Variants in IRX1 observed in about 807,000 individuals in gnomAD.
The protein encoded by IRX1 is iroquois homeobox 1.
Under a neutral mutation model 34.1 loss-of-function variants are expected in IRX1, and 22 were observed. That is an observed-to-expected ratio of 0.64 (90% CI 0.46 to 0.92). IRX1 has a LOEUF of 0.92. Ranked by LOEUF, IRX1 falls within the 40% of genes least tolerant of loss-of-function variation. The pLI is 0.00. For missense variants in IRX1, 758 were observed against 680.0 expected (o/e 1.11, Z -1.28); for synonymous variants, 363 against 319.0 (o/e 1.14, Z -1.47).
At chr5:3,600,872 T>G (rs1267490502) in intron 3 of IRX1, 111 bp from the exon 4 acceptor site, 1 of 1,270,210 alleles carries the variant, frequency 7.9e-7, no homozygotes, top group Non-Finnish European at 1.1e-6. Flanking sequence ...GGAGCCGCGC[T>G]GGCTGTCGAC....
intron 1 of IRX1, among the ~76,000 whole-genome samples, chr5:3,596,829 A>G (rs901544099): frequency 1.3e-5 from 2 of 152,118 alleles, no homozygotes; most frequent in African/African-American, 4.8e-5. Context: ...TTTCGAACCG[A>G]GTCTGGAAAA....
In IRX1 at chr5:3,600,196, C is replaced by G. The variant is rs373574147; in HGVS notation, c.1248C>G (p.Val416=). Residue 416 remains valine, a synonymous_variant, in exon 2 of 4, where the codon GTC becomes GTG. Coordinates refer to ENST00000302006, the MANE Select transcript of IRX1 (RefSeq NM_024337.4). ...CACCTCCACCACCGCAGCCGCCGGTCGCTATTGCCCCGGGGGCACTCAATG... is the reference window on the plus strand; with the variant it reads ...CACCTCCACCACCGCAGCCGCCGGTGGCTATTGCCCCGGGGGCACTCAATG... The part of the protein sequence containing the change: ...LPAPPPPQPP[V]AIAPGALNGD... The G allele has an allele frequency of 4.7e-5, 76 of 1,611,696 alleles. No homozygotes were observed. Among genetic ancestry groups the G allele is most frequent in the Admixed American group, 1.7e-5 (1 of 59,952 alleles).
chr5:3,599,130 C>A lies in IRX1; in HGVS notation c.277-95C>A, dbSNP rs554427802. 3.3e-5 allele frequency: 44 copies of A among 1,322,362 alleles called. No individual in the cohort carries two copies. Among genetic ancestry groups the A allele is most frequent in the Non-Finnish European group, 4.1e-5 (40 of 973,628 alleles). 81.9% of individuals were successfully genotyped at this position (1,322,362 alleles called of 1,614,324 possible). On this transcript the variant is annotated intron_variant, in intron 1 of 3. Coordinates refer to ENST00000302006, the MANE Select transcript of IRX1 (RefSeq NM_024337.4). This position sits in a 1 kb window ranked among gnomAD's most constrained non-coding sequence, Gnocchi z 6.6. Reference sequence around the variant, plus strand: ...TCCATTGAAGCGGCTGCTTCCCACTCTCCCGTCTTGGGGACTCATGTCTCT... The same window carrying A: ...TCCATTGAAGCGGCTGCTTCCCACTATCCCGTCTTGGGGACTCATGTCTCT...
Position 3,599,281 on chromosome 5 carries a change from C to T in IRX1, c.333C>T (p.Ala111=), listed in dbSNP as rs139010207. 6 of 1,613,948 alleles carry T rather than the reference C, an allele frequency of 3.7e-6. No individual in the cohort carries two copies. The African/African-American group carries it at 6.7e-5, about 18-fold the overall frequency. The stretch of plus-strand genomic sequence containing the variant: ...GGGTGCACCCCGCCACCTTCGCAGC[C>T]CACACGGCGCCGGCTTATTACCCCT... ...NPGVHPATFA[A]HTAPAYYPYG... is the part of the protein sequence containing the mutation. The change falls in exon 2 of 4, where the codon GCC becomes GCT. Residue 111 remains alanine (A), a synonymous_variant. Coordinates refer to ENST00000302006, the MANE Select transcript of IRX1 (RefSeq NM_024337.4). This position sits in a 1 kb window ranked among gnomAD's most constrained non-coding sequence, Gnocchi z 6.6.
At chr5:3,597,077 A>G (rs139309869) in intron 1 of IRX1, among the ~76,000 whole-genome samples, 1,638 of 152,334 alleles carry the variant, frequency 0.011, 21 homozygotes, top group African/African-American at 0.037. Flanking sequence ...CCAAGTTTTC[A>G]TTTCATTTGC....
Position 3,600,278 on chromosome 5 carries a change from G to C in IRX1, c.1312+18G>C. ...GCTCCCAGGTACAGCTCCAGGCCGCGTCCACCTGTCCCCTAGCTGGGAATG... is the reference window on the plus strand; with the variant it reads ...GCTCCCAGGTACAGCTCCAGGCCGCCTCCACCTGTCCCCTAGCTGGGAATG... On this transcript the variant is annotated intron_variant, in intron 2 of 3. Coordinates refer to ENST00000302006, the MANE Select transcript of IRX1 (RefSeq NM_024337.4). 6.5e-7 allele frequency: 1 copy of C among 1,543,108 alleles called. No homozygotes were observed. The highest frequency in any genetic ancestry group is 8.7e-7 in the Non-Finnish European group (1 of 1,148,392).
intron 1 of IRX1, among the ~76,000 whole-genome samples, chr5:3,597,077 A>T (rs139309869): frequency 6.6e-6 from 1 of 152,220 alleles, no homozygotes; most frequent in Non-Finnish European, 1.5e-5. Context: ...CCAAGTTTTC[A>T]TTTCATTTGC....
Position 3,600,035 on chromosome 5 carries a change from C to T in IRX1, c.1087C>T (p.Leu363=). The T allele has an allele frequency of 1.3e-6, 2 of 1,592,064 alleles. No homozygotes were observed. The highest frequency in any genetic ancestry group is 1.1e-5 in the South Asian group (1 of 88,376). ...CCCCGCCTTCCTGCCTAGCCACGGACTGTACACCTGCCACATCGGCAAGTT... is the reference window on the plus strand; with the variant it reads ...CCCCGCCTTCCTGCCTAGCCACGGATTGTACACCTGCCACATCGGCAAGTT... ...QHPAFLPSHG[L]YTCHIGKFSN... Residue 363 remains leucine, a synonymous_variant, in exon 2 of 4, where the codon CTG becomes TTG. Coordinates refer to ENST00000302006, the MANE Select transcript of IRX1 (RefSeq NM_024337.4).
chr5:3,600,820 G>C, intron 3 of IRX1, 139 bp downstream of exon 3: 1 of 1,145,308 alleles, frequency 8.7e-7, no homozygotes, highest in Non-Finnish European at 1.3e-6. Flanking sequence ...GCCAGCCCTG[G>C]GCGCCGGGCG....
chr5:3,598,760 C>T (rs190542008), intron 1 of IRX1, among the ~76,000 whole-genome samples: 1 of 152,282 alleles, frequency 6.6e-6, no homozygotes, highest in East Asian at 1.9e-4. Flanking sequence ...GCTCTGGGCC[C>T]TTTACGTTTG....
Position 3,600,685 on chromosome 5 carries a change from A to G in IRX1, c.1385+4A>G, listed in dbSNP as rs1468118897. 1 of 1,560,994 alleles carries G rather than the reference A, an allele frequency of 6.4e-7. No homozygotes were observed. The highest frequency in any genetic ancestry group is 1.1e-5 in the South Asian group (1 of 90,294). ...CCTTCCAGCCGGTACGCGACAAGTG[A>G]GTGCTGTTTGCTTTTGCTATGGGAG... On this transcript the variant is annotated splice_donor_region_variant and intron_variant, in intron 3 of 3. Coordinates refer to ENST00000302006, the MANE Select transcript of IRX1 (RefSeq NM_024337.4).
At chr5:3,596,561 A>T (rs1270425065) in intron 1 of IRX1, among the ~76,000 whole-genome samples, 180 bp downstream of exon 1, 1 of 150,392 alleles carries the variant, frequency 6.6e-6, no homozygotes, top group Non-Finnish European at 1.5e-5. Context: ...GAGGGCTGGG[A>T]GGCCGGGCGG....
At chr5:3,600,496 G>C in intron 2 of IRX1, 113 bp from the exon 3 acceptor site, 1 of 1,022,056 alleles carries the variant, frequency 9.8e-7, no homozygotes, top group Middle Eastern at 2.1e-4. Context: ...GGTGAGGGGT[G>C]ACGTTTTTCG....
In IRX1 at chr5:3,599,201, G is replaced by C. The variant is rs1733875010; in HGVS notation, c.277-24G>C. 1 of 1,594,736 alleles carries C rather than the reference G, an allele frequency of 6.3e-7. No individual in the cohort carries two copies. Among genetic ancestry groups the C allele is most frequent in the Non-Finnish European group, 8.6e-7 (1 of 1,166,916 alleles). On this transcript the variant is annotated intron_variant, in intron 1 of 3. Transcript: ENST00000302006. The surrounding 1 kb of genome is among the most constrained non-coding windows in gnomAD (Gnocchi z 6.6). ...CTCCACTTCCCTCCTCTCTCTCCTC[G>C]ATGGATCTGCCCTGTGGCTTCAGGG...
intron 3 of IRX1, 47 bp downstream of exon 3, chr5:3,600,728 G>A: frequency 6.5e-7 from 1 of 1,550,178 alleles, no homozygotes; most frequent in Non-Finnish European, 8.9e-7. Context: ...TGGGGAGGGG[G>A]GAGGAGGAGT....
intron 1 of IRX1, among the ~76,000 whole-genome samples, chr5:3,598,361 A>G (rs538971309): frequency 6.6e-6 from 1 of 152,344 alleles, no homozygotes; most frequent in South Asian, 2.1e-4. Flanking sequence ...AAATGCCTGC[A>G]AACAGCTAGT....
rs6420041 is a variant in IRX1 at position 3,595,864 on chromosome 5, G to A, written c.-242G>A. ...AAAGCCCCGCCGCCGAGCGGAGGGC[G>A]GCCGCCGCAGTCGGCGCGCGATTGC... On this transcript the variant is annotated 5_prime_UTR_variant, in exon 1 of 4. Transcript: ENST00000302006. Among the ~76,000 whole-genome samples, 94,359 of 150,812 alleles carry A rather than the reference G, an allele frequency of 0.63. 31,293 individuals are homozygous for A. The highest frequency in any genetic ancestry group is 0.79 in the Middle Eastern group (231 of 292).
chr5:3,599,331 C>G lies in IRX1; in HGVS notation c.383C>G (p.Pro128Arg), dbSNP rs773432719. The stretch of plus-strand genomic sequence containing the variant: ...TACGGCCAGTTCCAATACGGGGACC[C>G]CGGGCGGCCCAAGAACGCCACCCGC... ...YPYGQFQYGD[P>R]GRPKNATRES... Residue 128 changes from proline (P) to arginine (R), a missense_variant, in exon 2 of 4, where the codon CCC becomes CGC. Pro to Arg is a moderately radical substitution (Grantham distance 103). Around this residue, in one of 3 missense-constraint regions of IRX1, gnomAD observed 195 missense variants for 195.0 expected, o/e 1.00. Coordinates refer to ENST00000302006, the MANE Select transcript of IRX1 (RefSeq NM_024337.4). This position sits in a 1 kb window ranked among gnomAD's most constrained non-coding sequence, Gnocchi z 6.6. 1.9e-6 allele frequency: 3 copies of G among 1,614,122 alleles called. No individual in the cohort carries two copies. Among genetic ancestry groups the G allele is most frequent in the Non-Finnish European group, 2.5e-6 (3 of 1,180,020 alleles).
Position 3,600,062 on chromosome 5 carries a change from T to A in IRX1, c.1114T>A (p.Ser372Thr), listed in dbSNP as rs1561025081. The A allele has an allele frequency of 6.2e-7, 1 of 1,609,284 alleles. No homozygotes were observed. Among genetic ancestry groups the A allele is most frequent in the East Asian group, 2.2e-5 (1 of 44,730 alleles). The change falls in exon 2 of 4, where the codon TCC (serine) becomes ACC (threonine). Residue 372 changes from serine (S) to threonine (T), a missense_variant. This residue lies in a region of IRX1 where 529 missense variants were observed against 418.8 expected (regional missense o/e 1.26). Coordinates refer to ENST00000302006, the MANE Select transcript of IRX1 (RefSeq NM_024337.4). ...GTACACCTGCCACATCGGCAAGTTC[T>A]CCAACTGGACCAACAGCGCATTCCT... ...GLYTCHIGKF[S>T]NWTNSAFLAQ...
Sources: gnomAD v4.1 joint callset for allele counts (sites outside exome capture counted in the v4.1 genomes callset) on GRCh38, gnomAD v4.1.1 for gene constraint, gnomAD v4.1.1 regional missense constraint, Gnocchi (gnomAD v3.1) non-coding constraint, MANE v1.5 for transcripts, NCBI Gene and HGNC (gene_info 2026-07-23, HGNC 2026-07-21) for gene names.